RCSD1: variants seen among roughly 807,000 people sequenced by gnomAD.
The protein encoded by RCSD1 is capZ-interacting protein.
In RCSD1, 26 loss-of-function variants were observed where a neutral mutation model predicts 42.5. That is an observed-to-expected ratio of 0.61 (90% CI 0.45 to 0.85). The LOEUF (loss-of-function observed/expected upper bound fraction) is 0.85. Ranked by LOEUF, RCSD1 falls within the 40% of genes least tolerant of loss-of-function variation. RCSD1 has a pLI of 0.00. For missense variants in RCSD1, 571 were observed against 528.3 expected (o/e 1.08, Z -0.79); for synonymous variants, 220 against 212.2 (o/e 1.04, Z -0.32).
intron 1 of RCSD1, chr1:167,641,865 CA>C (rs1328186850): frequency 4.6e-5 from 7 of 152,236 alleles, no homozygotes; most frequent in Admixed American, 3.3e-4. Flanking sequence ...GCATAAATAA[CA>C]GGACAGGCTA....
intron 1 of RCSD1, among the ~76,000 whole-genome samples, chr1:167,682,272 C>T (rs1300873447): frequency 6.6e-6 from 1 of 151,572 alleles, no homozygotes; most frequent in African/African-American, 2.4e-5. Context: ...CAGGTTCAAG[C>T]AATTCTCCTG....
chr1:167,662,612 G>T (rs1004466869), intron 1 of RCSD1, among the ~76,000 whole-genome samples: 2 of 152,090 alleles, frequency 1.3e-5, no homozygotes, highest in South Asian at 2.1e-4. Flanking sequence ...TCTCCTTTTC[G>T]AAAGAACGGC....
chr1:167,703,960 C>A (rs1162832975), intron 6 of RCSD1, among the ~76,000 whole-genome samples: 4 of 152,094 alleles, frequency 2.6e-5, no homozygotes, highest in Non-Finnish European at 5.9e-5. Flanking sequence ...CAAATGCCCC[C>A]CTGCTCAGTA....
At chr1:167,681,836 T>G (rs1385779371) in intron 1 of RCSD1, among the ~76,000 whole-genome samples, 1 of 152,184 alleles carries the variant, frequency 6.6e-6, no homozygotes, top group Non-Finnish European at 1.5e-5. Flanking sequence ...CCCAAGCCTC[T>G]CTCTCGTTGT....
At chr1:167,673,946 CT>C (rs1346201050) in intron 1 of RCSD1, among the ~76,000 whole-genome samples, 1 of 152,212 alleles carries the variant, frequency 6.6e-6, no homozygotes, top group Non-Finnish European at 1.5e-5. Flanking sequence ...TTAACTACCC[CT>C]TCTCCTGAGC....
At chr1:167,675,528 G>C (rs1043962821) in intron 1 of RCSD1, among the ~76,000 whole-genome samples, 3 of 152,136 alleles carry the variant, frequency 2.0e-5, no homozygotes, top group African/African-American at 7.2e-5. Flanking sequence ...TAGAATTCAA[G>C]ATGAGATTTG....
intron 1 of RCSD1, among the ~76,000 whole-genome samples, chr1:167,668,177 C>T (rs939878361): frequency 5.9e-5 from 9 of 151,732 alleles, no homozygotes; most frequent in African/African-American, 1.9e-4. Flanking sequence ...CCCAGCTACT[C>T]GGGAGGCTGC....
Position 167,630,287 on chromosome 1 carries a change from G to A in RCSD1, c.-137G>A, listed in dbSNP as rs1657661743. On this transcript the variant is annotated 5_prime_UTR_variant, in exon 1 of 7. Transcript: ENST00000367854. Reference sequence around the variant, plus strand: ...GTCCCGCAGCCGAGCGCAGCCGGGCGCGCGCCACCGCCCACTCGCCCTGTG... The same window carrying A: ...GTCCCGCAGCCGAGCGCAGCCGGGCACGCGCCACCGCCCACTCGCCCTGTG... 3 of 944,174 alleles carry A rather than the reference G, an allele frequency of 3.2e-6. No homozygotes were observed. The highest frequency in any genetic ancestry group is 1.7e-5 in the African/African-American group (1 of 57,858). 58.5% of individuals were successfully genotyped at this position (944,174 alleles called of 1,614,324 possible). A position where few individuals can be genotyped will look rare whatever the true frequency, so the allele number is the denominator to read the frequency against.
At chr1:167,680,697 T>C (rs574175086) in intron 1 of RCSD1, among the ~76,000 whole-genome samples, 1 of 152,252 alleles carries the variant, frequency 6.6e-6, no homozygotes, top group African/African-American at 2.4e-5. Context: ...GGTCTCGAAC[T>C]CCTGAGCTCA....
At chr1:167,665,439 A>G (rs1037148428) in intron 1 of RCSD1, among the ~76,000 whole-genome samples, 2 of 152,242 alleles carry the variant, frequency 1.3e-5, no homozygotes, top group African/African-American at 2.4e-5. Flanking sequence ...GTATACAAGT[A>G]TTTATGTGAA....
chr1:167,685,325 T>A, intron 2 of RCSD1, 96 bp from the exon 3 acceptor site: 1 of 925,010 alleles, frequency 1.1e-6, no homozygotes, highest in South Asian at 1.6e-5. Flanking sequence ...TCCCTAAACC[T>A]TCCTGAAACC....
intron 1 of RCSD1, among the ~76,000 whole-genome samples, chr1:167,674,926 G>A (rs1658901969): frequency 6.6e-6 from 1 of 152,130 alleles, no homozygotes; most frequent in Non-Finnish European, 1.5e-5. Flanking sequence ...GACATATCCA[G>A]CCGGGTGCGG....
intron 1 of RCSD1, among the ~76,000 whole-genome samples, chr1:167,631,346 T>C (rs1187640594): frequency 6.6e-6 from 1 of 152,220 alleles, no homozygotes; most frequent in African/African-American, 2.4e-5. Context: ...AAATGTTATA[T>C]AGTTTTAAAG....
intron 6 of RCSD1, among the ~76,000 whole-genome samples, chr1:167,698,691 G>T (rs918043708): frequency 6.6e-6 from 1 of 152,106 alleles, no homozygotes; most frequent in Non-Finnish European, 1.5e-5. Context: ...TGTTTCACCC[G>T]TCGCTTTTGT....
intron 5 of RCSD1, among the ~76,000 whole-genome samples, chr1:167,695,856 T>C (rs575782365): frequency 1.3e-5 from 2 of 152,224 alleles, no homozygotes; most frequent in South Asian, 2.1e-4. Flanking sequence ...TGCATCACTC[T>C]AGTAGGTAGG....
chr1:167,663,223 A>G (rs950602553), intron 1 of RCSD1, among the ~76,000 whole-genome samples: 2 of 152,204 alleles, frequency 1.3e-5, no homozygotes, highest in African/African-American at 4.8e-5. Flanking sequence ...AGAACTACTC[A>G]GGCCATTCAC....
At chr1:167,684,449 T>C (rs950698368) in intron 2 of RCSD1, among the ~76,000 whole-genome samples, 2 of 152,194 alleles carry the variant, frequency 1.3e-5, no homozygotes, top group East Asian at 3.9e-4. Flanking sequence ...CACATTCAGA[T>C]AGGAAACCAG....
intron 1 of RCSD1, among the ~76,000 whole-genome samples, chr1:167,633,148 C>T (rs1176573928): frequency 6.6e-6 from 1 of 152,148 alleles, no homozygotes; most frequent in African/African-American, 2.4e-5. Flanking sequence ...GTCACTGTTA[C>T]CATTATCAAC....
At chr1:167,692,961 T>A (rs1233067545) in intron 4 of RCSD1, among the ~76,000 whole-genome samples, 1 of 138,092 alleles carries the variant, frequency 7.2e-6, no homozygotes, top group Non-Finnish European at 1.7e-5. Flanking sequence ...AGGGACCAGA[T>A]AGAAAAGACT....
Sources: gnomAD v4.1 joint callset for allele counts (sites outside exome capture counted in the v4.1 genomes callset) on GRCh38, gnomAD v4.1.1 for gene constraint, MANE v1.5 for transcripts, NCBI Gene and HGNC (gene_info 2026-07-23, HGNC 2026-07-21) for gene names.